Variants in CTNNA3 observed in about 807,000 individuals in gnomAD.
CTNNA3 encodes the protein catenin alpha-3.
In CTNNA3, 76 loss-of-function variants were observed where a neutral mutation model predicts 95.7. That is an observed-to-expected ratio of 0.79 (90% CI 0.66 to 0.96). The LOEUF is 0.96. Among genes scored for constraint, CTNNA3 ranks in the 40% least tolerant of loss-of-function variants. CTNNA3 has a pLI of 0.00. For synonymous variants in CTNNA3, 431 were observed against 374.4 expected, an observed-to-expected ratio of 1.15 and a Z score of -1.74; for missense variants, 1,191 against 1,089.8, an observed-to-expected ratio of 1.09 and a Z score of -1.31.
At chr10:66,248,571 CAA>C (rs1246392527) in intron 13 of CTNNA3, among the ~76,000 whole-genome samples, 1 of 150,568 alleles carries the variant, frequency 6.6e-6, no homozygotes, top group Non-Finnish European at 1.5e-5. Context: ...CAATGGAAAC[CAA>C]AAAAAAGAGT....
chr10:67,366,600 C>T (rs1490724488), intron 5 of CTNNA3, among the ~76,000 whole-genome samples: 5 of 151,618 alleles, frequency 3.3e-5, no homozygotes, highest in African/African-American at 1.2e-4. Flanking sequence ...GGAATCCTGC[C>T]ACTGCACTCC....
chr10:67,308,312 G>A (rs1270728119), intron 5 of CTNNA3, among the ~76,000 whole-genome samples: 3 of 152,306 alleles, frequency 2.0e-5, no homozygotes, highest in African/African-American at 2.4e-5. Flanking sequence ...AATCATGGGA[G>A]TGAGTTTTTT....
intron 12 of CTNNA3, among the ~76,000 whole-genome samples, chr10:66,311,512 A>G (rs184616907): frequency 3.3e-4 from 51 of 152,290 alleles, no homozygotes; most frequent in African/African-American, 1.2e-3. Context: ...CAGTGATCCA[A>G]ACAGCCACAA....
intron 7 of CTNNA3, among the ~76,000 whole-genome samples, chr10:67,047,956 G>A (rs1009040556): frequency 7.2e-5 from 11 of 152,224 alleles, no homozygotes; most frequent in African/African-American, 2.2e-4. Context: ...GCTTTCTGAA[G>A]TGGGAAAGTG....
chr10:67,256,401 A>G (rs1173916951), intron 5 of CTNNA3, among the ~76,000 whole-genome samples: 1 of 152,148 alleles, frequency 6.6e-6, no homozygotes, highest in Admixed American at 6.6e-5. Context: ...ATCTGTCTTG[A>G]TGTCCAAAAA....
At chr10:66,967,838 C>A (rs1487801942) in intron 7 of CTNNA3, among the ~76,000 whole-genome samples, 1 of 151,962 alleles carries the variant, frequency 6.6e-6, no homozygotes, top group East Asian at 1.9e-4. Context: ...TCGAAAGGTT[C>A]AATTCTACAA....
chr10:65,995,329 A>G (rs533132158), intron 15 of CTNNA3, among the ~76,000 whole-genome samples: 2 of 152,204 alleles, frequency 1.3e-5, no homozygotes, highest in African/African-American at 4.8e-5. Flanking sequence ...CTAAAGATCT[A>G]TCTGTAGTGT....
intron 13 of CTNNA3, among the ~76,000 whole-genome samples, chr10:66,143,795 A>C (rs964021092): frequency 3.3e-5 from 5 of 152,150 alleles, no homozygotes; most frequent in African/African-American, 1.2e-4. Flanking sequence ...CCTTTGCCAC[A>C]CAGACACTTT....
chr10:67,723,136 G>T (rs548223741), intron 1 of CTNNA3, among the ~76,000 whole-genome samples: 1 of 151,732 alleles, frequency 6.6e-6, no homozygotes, highest in Admixed American at 6.6e-5. Context: ...ACAGACACGC[G>T]CCACCACACC....
intron 11 of CTNNA3, among the ~76,000 whole-genome samples, chr10:66,408,042 G>C (rs976100222): frequency 4.6e-5 from 7 of 152,202 alleles, no homozygotes; most frequent in Admixed American, 2.0e-4. Context: ...CATAGTATTT[G>C]CAAATAACCT....
intron 5 of CTNNA3, among the ~76,000 whole-genome samples, chr10:67,353,150 A>G (rs1476150351): frequency 6.6e-6 from 1 of 152,010 alleles, no homozygotes; most frequent in Non-Finnish European, 1.5e-5. Context: ...GTCAGTGTTC[A>G]CTTCCACAAA....
At chr10:66,127,424 C>T (rs1336114121) in intron 13 of CTNNA3, among the ~76,000 whole-genome samples, 1 of 152,052 alleles carries the variant, frequency 6.6e-6, no homozygotes, top group African/African-American at 2.4e-5. Context: ...TGGTCTTCCT[C>T]CCAAAACCAC....
chr10:67,293,405 TTACTAGACACTATATCA>T (rs1178977732), intron 5 of CTNNA3, among the ~76,000 whole-genome samples: 1 of 152,196 alleles, frequency 6.6e-6, no homozygotes, highest in Non-Finnish European at 1.5e-5. Context: ...ATACAATTCC[TTACTAGACACTATATCA>T]GATTTCTAAG....
At chr10:66,295,086 C>G (rs774831373) in intron 12 of CTNNA3, among the ~76,000 whole-genome samples, 7 of 152,102 alleles carry the variant, frequency 4.6e-5, no homozygotes, top group Non-Finnish European at 5.9e-5. Context: ...GGGATTCATC[C>G]TTTTGGTGAC....
chr10:67,173,785 A>C (rs183118800), intron 7 of CTNNA3, among the ~76,000 whole-genome samples: 9 of 152,322 alleles, frequency 5.9e-5, no homozygotes, highest in Non-Finnish European at 4.4e-5. Flanking sequence ...ATGTTAAAAA[A>C]CCATAGCAGG....
At chr10:66,484,953 C>A (rs1483303848) in intron 11 of CTNNA3, among the ~76,000 whole-genome samples, 1 of 152,006 alleles carries the variant, frequency 6.6e-6, no homozygotes, top group Admixed American at 6.6e-5. Flanking sequence ...AATGAATGTG[C>A]TACACCACAT....
Position 66,976,895 on chromosome 10 carries a change from A to G in CTNNA3, c.1048-201371T>C, listed in dbSNP as rs368419439. Among the ~76,000 whole-genome samples, 18 of 152,294 alleles carry G rather than the reference A, an allele frequency of 1.2e-4. No individual in the cohort carries two copies. The East Asian group carries it at 3.3e-3, about 28-fold the overall frequency. ...GTCTAAAGACAGTGATTGCTTTCCAAATAACTACTTTGATGTGCTTATCAT... is the reference window on the plus strand; with the variant it reads ...GTCTAAAGACAGTGATTGCTTTCCAGATAACTACTTTGATGTGCTTATCAT... On this transcript the variant is annotated intron_variant, in intron 7 of 17. Transcript: ENST00000433211.
rs571962510 is a variant in CTNNA3, at chr10:67,214,805, A to G, written c.843+4802T>C. On this transcript the variant is annotated intron_variant, in intron 6 of 17. Coordinates refer to ENST00000433211, the MANE Select transcript of CTNNA3 (RefSeq NM_013266.4). The stretch of plus-strand genomic sequence containing the variant: ...GTTTAAGAACTCGGCTATCATTCAC[A>G]GATAATCAGTCATCATTCATAGGTA... 2.7e-3 allele frequency among the ~76,000 whole-genome samples: 410 copies of G among 152,144 alleles called. 1 individual carries two copies. Among genetic ancestry groups the G allele is most frequent in the African/African-American group, 9.1e-3 (379 of 41,574 alleles).
intron 10 of CTNNA3, among the ~76,000 whole-genome samples, chr10:66,543,903 GTGTGTGTGTATATATATATA>G (rs1288414580): frequency 0.04 from 1,796 of 44,628 alleles, 72 homozygotes; most frequent in African/African-American, 0.086. Flanking sequence ...CTTGAGATGT[GTGTGTGTGTATATATATATA>G]TATATATATA....
Sources: allele counts gnomAD v4.1 joint callset (sites outside exome capture counted in the v4.1 genomes callset), GRCh38; gene constraint gnomAD v4.1.1; transcripts MANE v1.5; gene names NCBI Gene and HGNC (gene_info 2026-07-23, HGNC 2026-07-21).